The following LINGO2 variants were observed in gnomAD, a reference collection of about 807,000 sequenced individuals.
LINGO2 encodes the protein leucine rich repeat and Ig domain containing 2, also known as leucine-rich repeat and immunoglobulin-like domain-containing nogo receptor-interacting protein 2.
LINGO2 carries 14 observed loss-of-function variants against 30.6 expected under a neutral mutation model. The observed-to-expected ratio is 0.46, with a 90% CI of 0.30 to 0.72. The LOEUF is 0.72. LINGO2 is among the 30% of genes least tolerant of loss of function. LINGO2 has a pLI of 0.07. For synonymous variants in LINGO2, 317 were observed against 288.5 expected, an observed-to-expected ratio of 1.10 and a Z score of -1.00; for missense variants, 729 against 751.7, an observed-to-expected ratio of 0.97 and a Z score of 0.35.
chr9:28,006,111 A>G (rs1475818164), intron 5 of LINGO2, among the ~76,000 whole-genome samples: 2 of 152,128 alleles, frequency 1.3e-5, no homozygotes, highest in Admixed American at 6.6e-5. Flanking sequence ...TCACCAGGAG[A>G]GCTTTGCTAC....
chr9:28,567,719 G>A (rs1823455171), intron 1 of LINGO2, among the ~76,000 whole-genome samples: 1 of 151,882 alleles, frequency 6.6e-6, no homozygotes, highest in South Asian at 2.1e-4. Flanking sequence ...TGGGTGACGG[G>A]TTCATTAGAA....
the LINGO2 span, among the ~76,000 whole-genome samples, chr9:28,712,813 G>A: frequency 1.3e-5 from 2 of 151,902 alleles, no homozygotes; most frequent in African/African-American, 4.8e-5. Context: ...AAGAAACATA[G>A]AATTTAAAAA....
At chr9:29,092,544 T>C in the LINGO2 span, among the ~76,000 whole-genome samples, 1 of 152,074 alleles carries the variant, frequency 6.6e-6, no homozygotes, top group Non-Finnish European at 1.5e-5. Flanking sequence ...TACAGTGATA[T>C]ATAAGCCATA....
At chr9:29,180,807 T>TGG in the LINGO2 span, among the ~76,000 whole-genome samples, 1 of 152,212 alleles carries the variant, frequency 6.6e-6, no homozygotes, top group Admixed American at 6.5e-5. Context: ...AAGTGTTTAA[T>TGG]GATATTATGA....
chr9:28,249,174 A>G (rs1466623336), intron 4 of LINGO2, among the ~76,000 whole-genome samples: 1 of 152,124 alleles, frequency 6.6e-6, no homozygotes, highest in Non-Finnish European at 1.5e-5. Context: ...AACATGCAAC[A>G]TTCAATATAT....
chr9:28,290,114 G>A (rs1823665316), intron 4 of LINGO2, among the ~76,000 whole-genome samples: 1 of 152,084 alleles, frequency 6.6e-6, no homozygotes. Context: ...TTAAGTGAGG[G>A]AACCAAAGCT....
the LINGO2 span, among the ~76,000 whole-genome samples, chr9:28,776,256 G>T: frequency 6.6e-6 from 1 of 150,778 alleles, no homozygotes; most frequent in Middle Eastern, 3.4e-3. Flanking sequence ...TAGCCAAAAG[G>T]AGGCTATCAC....
chr9:28,114,373 CT>C (rs1563982832), intron 4 of LINGO2, among the ~76,000 whole-genome samples: 1 of 51,356 alleles, frequency 1.9e-5, no homozygotes, highest in Admixed American at 2.8e-4. Context: ...CTAAAATTCT[CT>C]TTTTTGGTTG....
the LINGO2 span, among the ~76,000 whole-genome samples, chr9:29,011,383 G>A: frequency 7.2e-3 from 950 of 131,172 alleles, 6 homozygotes; most frequent in Non-Finnish European, 9.5e-3. Context: ...GTTCCCAGGG[G>A]CTGTGAATTG....
intron 3 of LINGO2, among the ~76,000 whole-genome samples, chr9:28,359,210 G>T (rs951526693): frequency 2.6e-5 from 4 of 152,084 alleles, no homozygotes; most frequent in Non-Finnish European, 4.4e-5. Context: ...GAGAACTGAG[G>T]AGAAAGTCCC....
At chr9:28,983,327 A>G in the LINGO2 span, among the ~76,000 whole-genome samples, 1 of 151,754 alleles carries the variant, frequency 6.6e-6, no homozygotes, top group Non-Finnish European at 1.5e-5. Flanking sequence ...CCAAAAAAAA[A>G]AAAAAAAGAA....
chr9:28,028,332 T>C (rs887507378), intron 4 of LINGO2, among the ~76,000 whole-genome samples: 2 of 152,166 alleles, frequency 1.3e-5, no homozygotes, highest in African/African-American at 4.8e-5. Context: ...TTCTCATCTT[T>C]CACTTTAGCA....
chr9:28,660,498 T>C (rs1043463638), intron 1 of LINGO2, among the ~76,000 whole-genome samples: 2 of 152,078 alleles, frequency 1.3e-5, no homozygotes, highest in Non-Finnish European at 2.9e-5. Context: ...ATGGTTCCAT[T>C]AATGTACATT....
chr9:28,659,698 C>T (rs991274392), intron 1 of LINGO2, among the ~76,000 whole-genome samples: 10 of 152,106 alleles, frequency 6.6e-5, no homozygotes, highest in African/African-American at 2.4e-4. Flanking sequence ...ATCCACCTGC[C>T]TCAGCCTGCC....
intron 4 of LINGO2, among the ~76,000 whole-genome samples, chr9:28,246,202 G>T (rs961088700): frequency 6.6e-6 from 1 of 152,070 alleles, no homozygotes; most frequent in African/African-American, 2.4e-5. Flanking sequence ...GAGGCAGGTG[G>T]ATCATGAAGT....
At chr9:28,586,039 T>TG (rs1824521732) in intron 1 of LINGO2, among the ~76,000 whole-genome samples, 2 of 151,666 alleles carry the variant, frequency 1.3e-5, no homozygotes, top group South Asian at 2.1e-4. Flanking sequence ...TTGTTTTTTT[T>TG]TGTGCATTTC....
the LINGO2 span, among the ~76,000 whole-genome samples, chr9:29,000,321 A>G: frequency 1.3e-5 from 2 of 151,928 alleles, no homozygotes; most frequent in Non-Finnish European, 2.9e-5. Context: ...ATATAAATTT[A>G]CTATGCACTG....
chr9:29,138,287 A>G, the LINGO2 span, among the ~76,000 whole-genome samples: 24,710 of 151,890 alleles, frequency 0.16, 2,172 homozygotes, highest in East Asian at 0.37. Context: ...AAAACTTTTA[A>G]AAGTTCCCTT....
intron 1 of LINGO2, among the ~76,000 whole-genome samples, chr9:28,535,194 A>AT (rs1028113801): frequency 1.0e-3 from 157 of 152,308 alleles, no homozygotes; most frequent in African/African-American, 3.5e-3. Context: ...TTTTAATTTT[A>AT]TCATATTTAT....
Sources: allele counts gnomAD v4.1 joint callset (sites outside exome capture counted in the v4.1 genomes callset), GRCh38; gene constraint gnomAD v4.1.1; transcripts MANE v1.5; gene names NCBI Gene and HGNC (gene_info 2026-07-23, HGNC 2026-07-21).